Variants in PPP2R3B observed in about 807,000 individuals in gnomAD.
PPP2R3B encodes the protein protein phosphatase 2 regulatory subunit B''beta.
PPP2R3B carries 68 observed loss-of-function variants against 72.9 expected under a neutral mutation model. The observed-to-expected ratio is 0.93, with a 90% confidence interval of 0.77 to 1.14. The LOEUF is 1.14. PPP2R3B is among the 50% of genes most tolerant of loss of function. The pLI, the probability that PPP2R3B is intolerant of heterozygous loss-of-function variation, is 0.00. For missense variants in PPP2R3B, 1,018 were observed against 842.0 expected (o/e 1.21, Z -2.59); for synonymous variants, 466 against 375.8 (o/e 1.24, Z -2.78).
At chrX:340,986 G>A in intron 9 of PPP2R3B, 46 bp from the exon 10 acceptor site, 7 of 1,588,304 alleles carry the variant, frequency 4.4e-6, no homozygotes, top group Non-Finnish European at 6.0e-6. Flanking sequence ...GGCCCTCCCA[G>A]CCCGTGACCT....
rs1489691342 is a variant in PPP2R3B, at chrX:333,965, C to T, written c.*402G>A. ...AACGTACAAGCGTGATCGCCAGAAA[C>T]GGTTTTGTACGTTTACACAAAACAT... On this transcript the variant is annotated 3_prime_UTR_variant, in exon 13 of 13. Coordinates refer to ENST00000390665, the MANE Select transcript of PPP2R3B (RefSeq NM_013239.5). 5.2e-5 allele frequency: 9 copies of T among 172,934 alleles called. No homozygotes were observed. The highest frequency in any genetic ancestry group is 7.1e-5 in the African/African-American group (3 of 42,332). 10.7% of individuals were successfully genotyped at this position (172,934 alleles called of 1,614,324 possible).
rs2071210417 is a variant in PPP2R3B at position 346,271 on chromosome X, G to A, written c.793-11C>T. 1.0e-5 allele frequency: 16 copies of A among 1,558,304 alleles called. No individual in the cohort carries two copies. Among genetic ancestry groups the A allele is most frequent in the Admixed American group, 1.9e-5 (1 of 52,808 alleles). ...GATCCGCTGGATGACCTGCGGGGGCGCTGTCAGTGCGGTGGGTGCGCAGAG... is the reference window on the plus strand; with the variant it reads ...GATCCGCTGGATGACCTGCGGGGGCACTGTCAGTGCGGTGGGTGCGCAGAG... On this transcript the variant is annotated splice_polypyrimidine_tract_variant and intron_variant, in intron 5 of 12. Coordinates refer to ENST00000390665, the MANE Select transcript of PPP2R3B (RefSeq NM_013239.5).
intron 10 of PPP2R3B, among the ~76,000 whole-genome samples, chrX:340,489 CT>C (rs1467945893): frequency 7.9e-6 from 1 of 126,692 alleles, no homozygotes; most frequent in Non-Finnish European, 1.7e-5. Flanking sequence ...GCCGTCCCCC[CT>C]CCCGTCCGTC....
At chrX:341,737 A>C in intron 8 of PPP2R3B, 146 bp downstream of exon 8, 1 of 889,058 alleles carries the variant, frequency 1.1e-6, no homozygotes, top group Admixed American at 1.8e-5. Flanking sequence ...TTCACGTGAC[A>C]GAGACACGTG....
At chrX:384,999 A>AAAC (rs1216134797) in intron 1 of PPP2R3B, among the ~76,000 whole-genome samples, 2 of 151,138 alleles carry the variant, frequency 1.3e-5, no homozygotes, top group African/African-American at 4.9e-5. Context: ...AAAAAAAAAA[A>AAAC]AAAAAAACTG....
chrX:346,328 G>T, intron 5 of PPP2R3B, 68 bp from the exon 6 acceptor site: 1 of 1,459,232 alleles, frequency 6.9e-7, no homozygotes, highest in Non-Finnish European at 9.3e-7. Flanking sequence ...CACGGAGACC[G>T]GGAGCCGGGA....
intron 8 of PPP2R3B, 141 bp from the exon 9 acceptor site, chrX:341,537 G>A: frequency 1.2e-6 from 1 of 860,308 alleles, no homozygotes; most frequent in Admixed American, 2.0e-5. Context: ...CCCTCCTCCT[G>A]CCTCTCCGGG....
At chrX:365,622 C>T (rs1364386877) in intron 1 of PPP2R3B, among the ~76,000 whole-genome samples, 1 of 5,038 alleles carries the variant, frequency 2.0e-4, no homozygotes, top group Admixed American at 3.2e-3. Flanking sequence ...GCAGGAGAAT[C>T]GCTTCAACAC....
At chrX:383,991 A>G (rs2072186541) in intron 1 of PPP2R3B, among the ~76,000 whole-genome samples, 1 of 152,050 alleles carries the variant, frequency 6.6e-6, no homozygotes, top group Non-Finnish European at 1.5e-5. Context: ...GTTAAAATCA[A>G]CATCGTAAGA....
chrX:369,358 C>T (rs1465772697), intron 1 of PPP2R3B, among the ~76,000 whole-genome samples: 9 of 152,284 alleles, frequency 5.9e-5, no homozygotes, highest in Non-Finnish European at 1.3e-4. Context: ...TCACCCAAAG[C>T]GCACTGATAA....
chrX:344,380 C>T (rs1284157681), intron 7 of PPP2R3B, among the ~76,000 whole-genome samples: 6 of 152,258 alleles, frequency 3.9e-5, no homozygotes, highest in African/African-American at 1.2e-4. Flanking sequence ...TCAGCTTGGG[C>T]CACGAGAAGG....
At chrX:338,580 C>A (rs766417071) in intron 12 of PPP2R3B, 24 bp downstream of exon 12, 3 of 1,562,980 alleles carry the variant, frequency 1.9e-6, no homozygotes, top group African/African-American at 1.4e-5. Flanking sequence ...CCCGTCCCCC[C>A]ACTCACCCGT....
In PPP2R3B at chrX:337,388, C is replaced by T. The variant is rs1015829030; in HGVS notation, c.1577+1216G>A. 6.6e-5 allele frequency: 10 copies of T among 152,220 alleles called. No individual in the cohort carries two copies. The East Asian group carries it at 1.9e-3, about 29-fold the overall frequency. 9.4% of individuals were successfully genotyped at this position (152,220 alleles called of 1,614,324 possible). On this transcript the variant is annotated intron_variant, in intron 12 of 12. Transcript: ENST00000390665. ...AGCCACCGCGCCCGGCCAGAAGGAGCCTATTCTTATGTGTTTTCATACAAA... is the reference window on the plus strand; with the variant it reads ...AGCCACCGCGCCCGGCCAGAAGGAGTCTATTCTTATGTGTTTTCATACAAA...
chrX:341,889 A>G lies in PPP2R3B; in HGVS notation c.1079T>C (p.Val360Ala). 6.2e-7 allele frequency: 1 copy of G among 1,612,668 alleles called. No homozygotes were observed. The highest frequency in any genetic ancestry group is 8.5e-7 in the Non-Finnish European group (1 of 1,179,742). The change falls in exon 8 of 13, where the codon GTC (valine) becomes GCC (alanine). Residue 360 changes from valine (V) to alanine (A), a missense_variant. By Grantham distance (64) the Val-to-Ala change is moderately conservative. Transcript: ENST00000390665. ...KMIDRIFSGAVTRGRKVQKEG... is the reference protein window; with the variant it reads ...KMIDRIFSGAATRGRKVQKEG... ...GCGCCTGAGCCGTACGTACCGTGTG[A>G]CTGCTCCTGAGAAGATCCTGTCTAT...
intron 1 of PPP2R3B, among the ~76,000 whole-genome samples, chrX:381,567 T>C (rs2072124716): frequency 6.6e-6 from 1 of 151,270 alleles, no homozygotes; most frequent in Non-Finnish European, 1.5e-5. Flanking sequence ...GTATTCTGTA[T>C]ATGGGATGGA....
chrX:381,514 T>C (rs1378177456), intron 1 of PPP2R3B, among the ~76,000 whole-genome samples: 1 of 152,034 alleles, frequency 6.6e-6, no homozygotes, highest in Non-Finnish European at 1.5e-5. Flanking sequence ...CAGCCAGAGT[T>C]TGTAGCATGG....
rs2071065052 is a variant in PPP2R3B, at chrX:341,239, GAC to G, written c.1175+66_1175+67del. ...CCAGGCGTGCAGGCATCCGCCTGGG[GAC>G]ACATGTCACATGGGCGGCTCCCGGC... On this transcript the variant is annotated intron_variant, in intron 9 of 12. Coordinates refer to ENST00000390665, the MANE Select transcript of PPP2R3B (RefSeq NM_013239.5). The G allele has an allele frequency of 5.1e-6, 8 of 1,559,050 alleles. No individual in the cohort carries two copies. The South Asian group carries it at 8.9e-5, about 17-fold the overall frequency.
chrX:376,166 G>A (rs1294418912), intron 1 of PPP2R3B, among the ~76,000 whole-genome samples: 1 of 151,906 alleles, frequency 6.6e-6, no homozygotes, highest in Non-Finnish European at 1.5e-5. Context: ...ACTGCAGCCT[G>A]GGGGACAAGA....
intron 2 of PPP2R3B, among the ~76,000 whole-genome samples, chrX:361,126 G>A (rs6645038): frequency 0.13 from 19,242 of 152,144 alleles, 1,568 homozygotes; most frequent in East Asian, 0.29. Context: ...GCGGGCCTGC[G>A]CTCTTCACAG....
Sources: allele counts gnomAD v4.1 joint callset (sites outside exome capture counted in the v4.1 genomes callset), GRCh38; gene constraint gnomAD v4.1.1; transcripts MANE v1.5; gene names NCBI Gene and HGNC (gene_info 2026-07-23, HGNC 2026-07-21).